Variants in SLC22A24 observed in about 807,000 individuals in gnomAD.
SLC22A24 encodes the protein steroid transmembrane transporter SLC22A24.
Under a neutral mutation model 49.8 loss-of-function variants are expected in SLC22A24, and 53 were observed. The observed-to-expected ratio is 1.06, with a 90% CI of 0.85 to 1.34. SLC22A24 has a LOEUF of 1.34. SLC22A24 is among the 40% of genes most tolerant of loss of function. The pLI is 0.00. For missense variants in SLC22A24, 786 were observed against 675.9 expected, an observed-to-expected ratio of 1.16 and a Z score of -1.81; for synonymous variants, 302 against 256.4, an observed-to-expected ratio of 1.18 and a Z score of -1.70.
intron 4 of SLC22A24, among the ~76,000 whole-genome samples, chr11:63,107,112 G>T (rs1443728900): frequency 2.0e-5 from 3 of 152,150 alleles, no homozygotes; most frequent in Non-Finnish European, 4.4e-5. Flanking sequence ...TTTGTATAAG[G>T]TGTAAGGAAG....
intron 6 of SLC22A24, among the ~76,000 whole-genome samples, chr11:63,089,433 A>G (rs931231935): frequency 2.6e-5 from 4 of 152,212 alleles, no homozygotes; most frequent in African/African-American, 7.2e-5. Flanking sequence ...TAAATATGGA[A>G]AGGAAATACT....
At chr11:63,112,233 G>A (rs886094615) in intron 4 of SLC22A24, among the ~76,000 whole-genome samples, 1 of 152,072 alleles carries the variant, frequency 6.6e-6, no homozygotes, top group Non-Finnish European at 1.5e-5. Flanking sequence ...TATAATTTCT[G>A]TTCTTTTACA....
At chr11:63,091,202 TAGGA>T (rs1392252358) in intron 6 of SLC22A24, among the ~76,000 whole-genome samples, 4 of 152,052 alleles carry the variant, frequency 2.6e-5, no homozygotes, top group Non-Finnish European at 4.4e-5. Context: ...AAGATGAACT[TAGGA>T]AGAAGTCAAA....
In SLC22A24 at chr11:63,120,257, A is replaced by T. The variant is rs192586799; in HGVS notation, c.507-922T>A. Reference sequence around the variant, plus strand: ...TCATAGGTGGGAATTGAACAATGAGATCACATGGACACAGGAAGGGGAATA... The same window carrying T: ...TCATAGGTGGGAATTGAACAATGAGTTCACATGGACACAGGAAGGGGAATA... On this transcript the variant is annotated intron_variant, in intron 2 of 9. Transcript: ENST00000612278. 2.5e-3 allele frequency among the ~76,000 whole-genome samples: 341 copies of T among 137,500 alleles called. 2 individuals are homozygous for T. The East Asian group carries it at 0.027, about 11-fold the overall frequency. 90.2% of individuals were successfully genotyped at this position (137,500 alleles called of 152,430 possible).
At chr11:63,099,855 G>A (rs1213102453) in intron 5 of SLC22A24, among the ~76,000 whole-genome samples, 2 of 152,044 alleles carry the variant, frequency 1.3e-5, no homozygotes, top group African/African-American at 4.8e-5. Flanking sequence ...TGCTGAAAAA[G>A]CATTTGATAA....
chr11:63,106,506 A>G (rs914244575), intron 4 of SLC22A24, among the ~76,000 whole-genome samples: 1 of 152,188 alleles, frequency 6.6e-6, no homozygotes, highest in East Asian at 1.9e-4. Flanking sequence ...AGGAATCACC[A>G]CACTGACTTC....
intron 6 of SLC22A24, among the ~76,000 whole-genome samples, chr11:63,087,850 C>T (rs2086996673): frequency 1.3e-5 from 2 of 152,138 alleles, no homozygotes; most frequent in Non-Finnish European, 2.9e-5. Flanking sequence ...GGCAAGACTG[C>T]TTCTCTAGAT....
rs1469152064 is a variant in SLC22A24, at chr11:63,104,230, C to G, written c.899G>C (p.Arg300Thr). The change falls in exon 5 of 10, where the codon AGA becomes ACA. Residue 300 changes from arginine to threonine, a missense_variant. By Grantham distance (71) the Arg-to-Thr change is moderately conservative. Transcript: ENST00000612278. ...TTTTCCATTTATGTGTGCAACTCTT[C>G]TAAGCTCCTTTAAGCCCTCATCTAG... Reference protein sequence around the residue: ...NQLDEGLKELRRVAHINGKKN... With the variant: ...NQLDEGLKELTRVAHINGKKN... 3 of 1,550,700 alleles carry G rather than the reference C, an allele frequency of 1.9e-6. No homozygotes were observed. Among genetic ancestry groups the G allele is most frequent in the African/African-American group, 2.7e-5 (2 of 72,988 alleles).
intron 5 of SLC22A24, among the ~76,000 whole-genome samples, chr11:63,100,645 C>T (rs1279593070): frequency 6.6e-6 from 1 of 152,056 alleles, no homozygotes; most frequent in Non-Finnish European, 1.5e-5. Context: ...ATCATGTTAC[C>T]TGGCTCTAAA....
At position 63,081,585 on chromosome 11, in the gene SLC22A24, T is replaced by C. The variant is rs1381436255; in HGVS notation, c.1367A>G (p.His456Arg). 3.9e-6 allele frequency: 6 copies of C among 1,551,422 alleles called. No individual in the cohort carries two copies. In the Admixed American group the frequency reaches 5.9e-5, roughly 15 times the overall value. The change falls in exon 8 of 10, where the codon CAC (histidine) becomes CGC (arginine). Residue 456 changes from histidine (H) to arginine (R), a missense_variant. Transcript: ENST00000612278. ...SAASNSASVH[H>R]NELVPTILRS... is the part of the protein sequence containing the mutation. ...CAATATGGTGGGGACGAGCTCGTTG[T>C]GGTGGACAGAAGCACTGTTGCTAGC...
intron 1 of SLC22A24, among the ~76,000 whole-genome samples, chr11:63,139,871 A>G (rs1307736101): frequency 2.6e-5 from 4 of 152,012 alleles, no homozygotes; most frequent in African/African-American, 9.7e-5. Context: ...GCAAATGAAA[A>G]ATCTTACAAG....
chr11:63,114,482 C>A (rs2087198000), intron 4 of SLC22A24, among the ~76,000 whole-genome samples: 1 of 152,140 alleles, frequency 6.6e-6, no homozygotes, highest in African/African-American at 2.4e-5. Flanking sequence ...TTTTTAGCTT[C>A]CTTGTGATGT....
chr11:63,112,852 A>C (rs1173627083), intron 4 of SLC22A24, among the ~76,000 whole-genome samples: 1 of 150,784 alleles, frequency 6.6e-6, no homozygotes, highest in African/African-American at 2.4e-5. Flanking sequence ...TCTCTACTAA[A>C]AAATACAAAA....
At chr11:63,097,369 A>T (rs544266294) in intron 5 of SLC22A24, among the ~76,000 whole-genome samples, 2 of 152,354 alleles carry the variant, frequency 1.3e-5, no homozygotes, top group East Asian at 3.9e-4. Flanking sequence ...TCAAAACCAC[A>T]GTAAGTTACC....
chr11:63,088,509 C>G (rs1271198024), intron 6 of SLC22A24, among the ~76,000 whole-genome samples: 2 of 151,974 alleles, frequency 1.3e-5, no homozygotes, highest in Admixed American at 1.3e-4. Flanking sequence ...ATTGCAAAAA[C>G]CAGAATGCCT....
chr11:63,104,138 A>T (rs1400933413), intron 5 of SLC22A24, 37 bp downstream of exon 5: 1 of 1,544,330 alleles, frequency 6.5e-7, no homozygotes, highest in African/African-American at 1.4e-5. Flanking sequence ...TCATGTTTTC[A>T]TTTAATCACA....
chr11:63,099,009 T>C (rs1027121442), intron 5 of SLC22A24, among the ~76,000 whole-genome samples: 1 of 151,972 alleles, frequency 6.6e-6, no homozygotes, highest in Non-Finnish European at 1.5e-5. Context: ...TTATAAAAGC[T>C]AGAAAAAAAT....
chr11:63,094,845 A>G lies in SLC22A24; in HGVS notation c.1070+1146T>C, dbSNP rs563708994. Among the ~76,000 whole-genome samples the G allele has an allele frequency of 1.2e-4, 18 of 151,950 alleles. No homozygotes were observed. In the South Asian group the frequency reaches 3.5e-3, roughly 30 times the overall value. On this transcript the variant is annotated intron_variant, in intron 6 of 9. Transcript: ENST00000612278. ...ATGGGGTTGTTTGTTTTTTTCTTGT[A>G]AATTTGTTTGAGTTCTTTGTAGATT...
intron 5 of SLC22A24, 188 bp downstream of exon 5, chr11:63,103,987 T>C (rs2087105616): frequency 1.9e-6 from 1 of 523,070 alleles, no homozygotes. Context: ...TATCCACTTC[T>C]CCCAGTATAT....
Sources: allele counts gnomAD v4.1 joint callset (sites outside exome capture counted in the v4.1 genomes callset), GRCh38; gene constraint gnomAD v4.1.1; transcripts MANE v1.5; gene names NCBI Gene and HGNC (gene_info 2026-07-23, HGNC 2026-07-21).